The following RELN variants were observed in gnomAD, a reference collection of about 807,000 sequenced individuals.
RELN encodes reelin.
A neutral mutation model predicts 427.6 loss-of-function variants in RELN; 108 were observed. The ratio of observed to expected loss-of-function variants is 0.25; its 90% CI spans 0.22 to 0.30. The LOEUF (loss-of-function observed/expected upper bound fraction) is 0.30. RELN is among the 10% of genes least tolerant of loss of function. The pLI is 1.00. For synonymous variants in RELN, 1,524 were observed against 1,513.4 expected (o/e 1.01, Z -0.16); for missense variants, 3,715 against 4,302.8 (o/e 0.86, Z 3.82).
At chr7:103,872,015 TATATA>T (rs1468732340) in intron 2 of RELN, among the ~76,000 whole-genome samples, 1 of 98,138 alleles carries the variant, frequency 1.0e-5, no homozygotes, top group Non-Finnish European at 2.2e-5. Context: ...AGTATATGAA[TATATA>T]TATATATATA....
In RELN at chr7:103,667,037, T is replaced by TGC. The variant is rs1332942785; in HGVS notation, c.1290-5511_1290-5510insGC. On this transcript the variant is annotated intron_variant, in intron 11 of 64. Coordinates refer to ENST00000428762, the MANE Select transcript of RELN (RefSeq NM_005045.4). ...AGCTAAAGGCTTATTACTCAGGTTT[T>TGC]TAATTTCCCTTTGTTTTAGGTATCT... 2.6e-4 allele frequency among the ~76,000 whole-genome samples: 39 copies of TGC among 152,360 alleles called. No homozygotes were observed. The East Asian group carries it at 5.6e-3, about 22-fold the overall frequency.
chr7:103,682,780 T>G (rs927549033), intron 10 of RELN, among the ~76,000 whole-genome samples: 10 of 152,184 alleles, frequency 6.6e-5, no homozygotes, highest in Non-Finnish European at 1.5e-4. Context: ...AATCACATAT[T>G]CTCAACCAGT....
chr7:103,644,794 T>C (rs915607858), intron 16 of RELN, among the ~76,000 whole-genome samples: 6 of 151,586 alleles, frequency 4.0e-5, no homozygotes, highest in South Asian at 2.1e-4. Context: ...TCCAGAAAAA[T>C]ACATTGTAAG....
chr7:103,489,840 A>G lies in RELN; in HGVS notation c.9665T>C (p.Ile3222Thr), dbSNP rs1828587696. 4.3e-6 allele frequency: 7 copies of G among 1,614,150 alleles called. No homozygotes were observed. Among genetic ancestry groups the G allele is most frequent in the Middle Eastern group, 1.6e-4 (1 of 6,062 alleles). ...GEETEKQSWA[I>T]DHVYIGEACP... is the part of the protein sequence containing the mutation. ...AGCCTCTCCAATGTACACGTGGTCA[A>G]TTGCCCAGCTTTGCTTCTCAGTTTC... The change falls in exon 60 of 65, where the codon ATT becomes ACT. Residue 3222 changes from isoleucine (I) to threonine (T), a missense_variant. Around this residue, in one of 4 missense-constraint regions of RELN, gnomAD observed 1,310 missense variants for 1,643.0 expected, o/e 0.80. Transcript: ENST00000428762.
At chr7:103,978,893 C>G (rs919093913) in intron 1 of RELN, among the ~76,000 whole-genome samples, 3 of 152,220 alleles carry the variant, frequency 2.0e-5, no homozygotes, top group African/African-American at 7.2e-5. Flanking sequence ...GCTTCCTACC[C>G]TCCCCACCCT....
intron 2 of RELN, among the ~76,000 whole-genome samples, chr7:103,891,511 T>C (rs1327030565): frequency 6.6e-6 from 1 of 152,130 alleles, no homozygotes; most frequent in Non-Finnish European, 1.5e-5. Context: ...AATGCTTAAA[T>C]GGGTGACTCC....
At chr7:103,957,480 G>A (rs920377161) in intron 1 of RELN, among the ~76,000 whole-genome samples, 3 of 152,082 alleles carry the variant, frequency 2.0e-5, no homozygotes, top group Admixed American at 6.5e-5. Flanking sequence ...CACCTTCGTG[G>A]CAATCTCGTA....
intron 57 of RELN, 62 bp downstream of exon 57, chr7:103,495,661 A>C: frequency 6.8e-7 from 1 of 1,472,382 alleles, no homozygotes; most frequent in Non-Finnish European, 9.5e-7. Context: ...CTGACTAACC[A>C]TTCTCCCTCG....
At position 103,652,698 on chromosome 7, in the gene RELN, C is replaced by A. The variant is rs755077288; in HGVS notation, c.1616G>T (p.Cys539Phe). ...PELQTPATKF[C>F]LRQKNHQGHN... ...TCCTTGATGGTTCTTTTGCCTGAGACAAAATTTGGTAGCAGGAGTCTGAAG... is the reference window on the plus strand; with the variant it reads ...TCCTTGATGGTTCTTTTGCCTGAGAAAAAATTTGGTAGCAGGAGTCTGAAG... Residue 539 changes from cysteine to phenylalanine, a missense_variant, in exon 14 of 65, where the codon TGT becomes TTT. Physicochemically the swap from Cys to Phe is radical, Grantham distance 205. Transcript: ENST00000428762. 1 of 1,612,878 alleles carries A rather than the reference C, an allele frequency of 6.2e-7. No homozygotes were observed. Among genetic ancestry groups the A allele is most frequent in the Non-Finnish European group, 8.5e-7 (1 of 1,179,256 alleles).
intron 2 of RELN, among the ~76,000 whole-genome samples, chr7:103,892,047 T>A (rs1794862067): frequency 6.6e-6 from 1 of 152,172 alleles, no homozygotes; most frequent in Non-Finnish European, 1.5e-5. Context: ...TTTCAACATC[T>A]CCTTCCCCTA....
chr7:103,844,507 C>T (rs1793629270), intron 2 of RELN, among the ~76,000 whole-genome samples: 1 of 152,100 alleles, frequency 6.6e-6, no homozygotes, highest in African/African-American at 2.4e-5. Flanking sequence ...CACATTTTTT[C>T]ATTAAAAACC....
At chr7:103,550,024 A>G (rs362720) in intron 41 of RELN, among the ~76,000 whole-genome samples, 67,582 of 152,008 alleles carry the variant, frequency 0.44, 18,228 homozygotes, top group Non-Finnish European at 0.6. Context: ...TTTGCTTAGT[A>G]ATGCTTATTT....
intron 3 of RELN, among the ~76,000 whole-genome samples, chr7:103,826,483 G>T (rs1331057191): frequency 6.6e-6 from 1 of 151,936 alleles, no homozygotes; most frequent in African/African-American, 2.4e-5. Flanking sequence ...AATATACAGA[G>T]ACTTTACTAA....
chr7:103,636,500 AC>A (rs1562933812), intron 17 of RELN, 32 bp from the exon 18 acceptor site: 1 of 1,422,080 alleles, frequency 7.0e-7, no homozygotes, highest in Non-Finnish European at 9.9e-7. Context: ...TAAATCTTAA[AC>A]TGTTGGCTGT....
At chr7:103,960,008 G>T (rs1796514958) in intron 1 of RELN, among the ~76,000 whole-genome samples, 1 of 151,978 alleles carries the variant, frequency 6.6e-6, no homozygotes, top group Non-Finnish European at 1.5e-5. Flanking sequence ...CCTCCTAACG[G>T]GTCTTTCTGC....
At chr7:103,961,240 C>T (rs990251997) in intron 1 of RELN, among the ~76,000 whole-genome samples, 1 of 152,052 alleles carries the variant, frequency 6.6e-6, no homozygotes, top group Non-Finnish European at 1.5e-5. Context: ...ATCTTTTTTT[C>T]CCCCAAACTG....
chr7:103,729,678 G>A (rs1331016954), intron 6 of RELN, among the ~76,000 whole-genome samples: 1 of 152,088 alleles, frequency 6.6e-6, no homozygotes. Context: ...CCTGTCTCTT[G>A]TTCATCATTT....
chr7:103,495,013 C>T (rs988926081), intron 57 of RELN, among the ~76,000 whole-genome samples: 1 of 151,942 alleles, frequency 6.6e-6, no homozygotes, highest in African/African-American at 2.4e-5. Context: ...GATAGTGTTA[C>T]AGAGTAGAGA....
At chr7:103,921,905 T>C (rs975530281) in intron 1 of RELN, among the ~76,000 whole-genome samples, 1 of 152,204 alleles carries the variant, frequency 6.6e-6, no homozygotes, top group African/African-American at 2.4e-5. Context: ...CAGGTTCAAA[T>C]GTCATCTCTC....
Sources: allele counts gnomAD v4.1 joint callset (sites outside exome capture counted in the v4.1 genomes callset), GRCh38; gene constraint gnomAD v4.1.1; regional missense constraint gnomAD v4.1.1; transcripts MANE v1.5; gene names NCBI Gene and HGNC (gene_info 2026-07-23, HGNC 2026-07-21).